SUPT3H: variants seen among roughly 807,000 people sequenced by gnomAD.
The protein encoded by SUPT3H is transcription initiation protein SPT3 homolog.
A neutral mutation model predicts 44.3 loss-of-function variants in SUPT3H; 44 were observed. The observed-to-expected ratio is 0.99, with a 90% CI of 0.78 to 1.28. The LOEUF is 1.28. Ranked by LOEUF, SUPT3H falls within the 50% of genes most tolerant of loss-of-function variation. The pLI is 0.00. For synonymous variants in SUPT3H, 124 were observed against 125.6 expected, an observed-to-expected ratio of 0.99 and a Z score of 0.09; for missense variants, 380 against 387.1, an observed-to-expected ratio of 0.98 and a Z score of 0.15.
At chr6:45,129,537 A>C (rs1447033733) in intron 2 of SUPT3H, among the ~76,000 whole-genome samples, 3 of 152,174 alleles carry the variant, frequency 2.0e-5, no homozygotes, top group Non-Finnish European at 4.4e-5. Context: ...CATTTATTGA[A>C]AGTTCACCGT....
chr6:45,074,602 T>C (rs534982756), intron 3 of SUPT3H, among the ~76,000 whole-genome samples: 28 of 152,160 alleles, frequency 1.8e-4, no homozygotes, highest in Non-Finnish European at 2.5e-4. Flanking sequence ...CTCTATGTAA[T>C]TGCACTTACA....
intron 6 of SUPT3H, among the ~76,000 whole-genome samples, chr6:44,983,498 A>G (rs193250669): frequency 6.6e-6 from 1 of 152,266 alleles, no homozygotes; most frequent in Admixed American, 6.5e-5. Context: ...CTGAAGAAAG[A>G]AAGAAAGAAA....
In SUPT3H at chr6:44,871,205, A is replaced by G. The variant is rs1386459639; in HGVS notation, c.913-41348T>C. Among the ~76,000 whole-genome samples the G allele has an allele frequency of 5.3e-3, 772 of 144,994 alleles. 13 individuals carry two copies. Among genetic ancestry groups the G allele is most frequent in the African/African-American group, 0.019 (744 of 39,434 alleles). On this transcript the variant is annotated intron_variant, in intron 10 of 10. Coordinates refer to ENST00000371459, the MANE Select transcript of SUPT3H (RefSeq NM_003599.4). ...CCACCTCTGGGGGCAGGGCACAGAC[A>G]AACAAAAAGACAGCAGTAACCTCTG...
chr6:45,080,185 T>C (rs569894372), intron 3 of SUPT3H, among the ~76,000 whole-genome samples: 4 of 152,096 alleles, frequency 2.6e-5, no homozygotes, highest in Non-Finnish European at 5.9e-5. Context: ...TACACAAGTA[T>C]ATGAAAAAGT....
At chr6:45,351,566 C>T (rs1442918009) in intron 2 of SUPT3H, among the ~76,000 whole-genome samples, 1 of 152,114 alleles carries the variant, frequency 6.6e-6, no homozygotes, top group Admixed American at 6.6e-5. Context: ...CAAGGTGATA[C>T]TTGTATTTTC....
chr6:45,112,962 C>CT (rs11330704), intron 2 of SUPT3H, among the ~76,000 whole-genome samples: 15,867 of 138,284 alleles, frequency 0.11, 1,189 homozygotes, highest in East Asian at 0.26. Context: ...GAGCTAGTCA[C>CT]TTTTTTTTTT....
intron 3 of SUPT3H, among the ~76,000 whole-genome samples, chr6:45,036,227 G>C (rs1787651548): frequency 1.3e-5 from 2 of 152,158 alleles, no homozygotes; most frequent in Admixed American, 1.3e-4. Flanking sequence ...AGGATCAGGT[G>C]AGGGGAGTTT....
intron 7 of SUPT3H, among the ~76,000 whole-genome samples, chr6:44,959,397 C>T (rs1775686532): frequency 6.6e-6 from 1 of 151,944 alleles, no homozygotes. Context: ...ACAGCATATA[C>T]AATATCAGTA....
chr6:45,178,578 A>G (rs1451377761), intron 2 of SUPT3H, among the ~76,000 whole-genome samples: 1 of 152,010 alleles, frequency 6.6e-6, no homozygotes, highest in Non-Finnish European at 1.5e-5. Flanking sequence ...ATAGACATCT[A>G]CAGAACTCTC....
At chr6:45,006,714 C>A (rs1173557556) in intron 5 of SUPT3H, among the ~76,000 whole-genome samples, 1 of 152,046 alleles carries the variant, frequency 6.6e-6, no homozygotes, top group Non-Finnish European at 1.5e-5. Context: ...TATCAATAGA[C>A]CTTTGAAAAA....
chr6:45,153,235 T>G (rs570094538), intron 2 of SUPT3H, among the ~76,000 whole-genome samples: 1 of 152,346 alleles, frequency 6.6e-6, no homozygotes, highest in South Asian at 2.1e-4. Context: ...TGTTGTCTAC[T>G]TCTGCCATTA....
At chr6:45,376,340 G>A (rs1350107206) in intron 1 of SUPT3H, among the ~76,000 whole-genome samples, 2 of 152,152 alleles carry the variant, frequency 1.3e-5, no homozygotes, top group Admixed American at 6.5e-5. Context: ...ATCAAGACTC[G>A]GAAGGACTCT....
At chr6:44,959,221 A>G (rs1223685453) in intron 7 of SUPT3H, among the ~76,000 whole-genome samples, 1 of 152,164 alleles carries the variant, frequency 6.6e-6, no homozygotes. Flanking sequence ...ACTTTACGTC[A>G]TGGATGTATA....
chr6:45,230,117 CTGAACACAA>C (rs1472648292), intron 2 of SUPT3H, among the ~76,000 whole-genome samples: 3 of 152,166 alleles, frequency 2.0e-5, no homozygotes, highest in Non-Finnish European at 4.4e-5. Context: ...TTTCATTTCA[CTGAACACAA>C]TGACCTCCAG....
intron 2 of SUPT3H, among the ~76,000 whole-genome samples, chr6:45,118,699 G>A (rs1801181794): frequency 6.6e-6 from 1 of 152,058 alleles, no homozygotes. Flanking sequence ...CGACCCTTGG[G>A]AAATTTTCCA....
chr6:45,259,525 T>C (rs1237641264), intron 2 of SUPT3H, among the ~76,000 whole-genome samples: 1 of 152,170 alleles, frequency 6.6e-6, no homozygotes. Context: ...GTTGGTTTAC[T>C]CTATATCTAT....
chr6:45,017,419 C>A (rs924935445), intron 4 of SUPT3H, among the ~76,000 whole-genome samples: 4 of 151,128 alleles, frequency 2.6e-5, no homozygotes, highest in African/African-American at 7.3e-5. Flanking sequence ...AAGTCCTTGC[C>A]CATGCCTATG....
At chr6:44,904,923 G>A (rs1562012224) in intron 10 of SUPT3H, among the ~76,000 whole-genome samples, 3 of 152,138 alleles carry the variant, frequency 2.0e-5, no homozygotes, top group Admixed American at 6.5e-5. Context: ...ATGGGAAAAC[G>A]ATTCCCTGTT....
At chr6:44,885,534 A>G (rs532259465) in intron 10 of SUPT3H, among the ~76,000 whole-genome samples, 1 of 152,350 alleles carries the variant, frequency 6.6e-6, no homozygotes, top group East Asian at 1.9e-4. Flanking sequence ...AGCAAACTCC[A>G]ACAGACCTGC....
Sources: allele counts gnomAD v4.1 joint callset (sites outside exome capture counted in the v4.1 genomes callset), GRCh38; gene constraint gnomAD v4.1.1; transcripts MANE v1.5; gene names NCBI Gene and HGNC (gene_info 2026-07-23, HGNC 2026-07-21).